Variants in GUCY1A2 observed in about 807,000 individuals in gnomAD.
The protein encoded by GUCY1A2 is guanylate cyclase 1 soluble subunit alpha 2.
In GUCY1A2, 27 loss-of-function variants were observed where a neutral mutation model predicts 63.5. The ratio of observed to expected loss-of-function variants is 0.43; its 90% CI spans 0.31 to 0.59. GUCY1A2 has a LOEUF of 0.59. GUCY1A2 is among the 20% of genes least tolerant of loss of function. The pLI is 0.11. For synonymous variants in GUCY1A2, 364 were observed against 343.5 expected (o/e 1.06, Z -0.66); for missense variants, 768 against 913.3 (o/e 0.84, Z 2.05).
chr11:106,871,327 T>C (rs966611085), intron 4 of GUCY1A2, among the ~76,000 whole-genome samples: 1 of 152,148 alleles, frequency 6.6e-6, no homozygotes, highest in East Asian at 1.9e-4. Flanking sequence ...TTCTACAAAC[T>C]GGCAGTCTTA....
At chr11:106,959,132 T>C (rs746227007) in intron 3 of GUCY1A2, among the ~76,000 whole-genome samples, 1 of 152,184 alleles carries the variant, frequency 6.6e-6, no homozygotes, top group South Asian at 2.1e-4. Flanking sequence ...CACTGAGCTA[T>C]GTTTGTCATT....
intron 4 of GUCY1A2, among the ~76,000 whole-genome samples, chr11:106,833,421 A>C (rs2135438310): frequency 6.6e-6 from 1 of 152,216 alleles, no homozygotes; most frequent in South Asian, 2.1e-4. Context: ...GAATGCATTA[A>C]GAAAATGCTC....
rs1864175584 is a variant in GUCY1A2, at chr11:106,766,985, C to T, written c.1836+9454G>A. ...TACATAAACGTCAGATAAATAAAAA[C>T]ACGAGCTTCCTAACTGCTTGGAAGT... On this transcript the variant is annotated intron_variant, in intron 6 of 7. Coordinates refer to ENST00000526355, the MANE Select transcript of GUCY1A2 (RefSeq NM_000855.3). Among the ~76,000 whole-genome samples the T allele has an allele frequency of 4.6e-5, 7 of 152,108 alleles. No homozygotes were observed. The South Asian group carries it at 1.5e-3, about 32-fold the overall frequency.
chr11:106,822,478 G>C (rs961893619), intron 4 of GUCY1A2, among the ~76,000 whole-genome samples: 1 of 152,106 alleles, frequency 6.6e-6, no homozygotes, highest in Non-Finnish European at 1.5e-5. Context: ...AGACAGCATA[G>C]TACCCAACAG....
chr11:106,772,737 TACAA>T (rs1383980495), intron 6 of GUCY1A2, among the ~76,000 whole-genome samples: 7 of 152,248 alleles, frequency 4.6e-5, no homozygotes, highest in African/African-American at 1.7e-4. Flanking sequence ...CTAAATTCAA[TACAA>T]ACATACTCTC....
intron 4 of GUCY1A2, among the ~76,000 whole-genome samples, chr11:106,832,241 T>A (rs1231577949): frequency 2.0e-5 from 3 of 152,292 alleles, no homozygotes; most frequent in Middle Eastern, 3.4e-3. Context: ...CTTTCAAGTA[T>A]TCTCTAAATA....
rs191251831 is a variant in GUCY1A2, at chr11:107,007,789, T to C, written c.303+9964A>G. Among the ~76,000 whole-genome samples, 310 of 152,320 alleles carry C rather than the reference T, an allele frequency of 2.0e-3. 3 individuals are homozygous for C. Among genetic ancestry groups the C allele is most frequent in the Admixed American group, 0.018 (274 of 15,292 alleles). ...ATAGATATATGGATATGCTGGTTTG[T>C]AGAATTGTATTTAATAGAATGTTTG... On this transcript the variant is annotated intron_variant, in intron 1 of 7. Coordinates refer to ENST00000526355, the MANE Select transcript of GUCY1A2 (RefSeq NM_000855.3).
intron 5 of GUCY1A2, among the ~76,000 whole-genome samples, chr11:106,786,232 AAC>A (rs1350092884): frequency 6.6e-6 from 1 of 152,172 alleles, no homozygotes; most frequent in African/African-American, 2.4e-5. Context: ...CAAAAACAAA[AAC>A]AAAACAAAAA....
At chr11:106,943,330 T>G (rs559186747) in intron 3 of GUCY1A2, among the ~76,000 whole-genome samples, 1 of 152,340 alleles carries the variant, frequency 6.6e-6, no homozygotes, top group African/African-American at 2.4e-5. Context: ...CATCACAAGA[T>G]TCTATGACAG....
At chr11:106,751,474 G>T (rs1477066531) in intron 6 of GUCY1A2, among the ~76,000 whole-genome samples, 1 of 150,798 alleles carries the variant, frequency 6.6e-6, no homozygotes, top group Non-Finnish European at 1.5e-5. Flanking sequence ...TTCCCTTAGG[G>T]ATTCCCTTCA....
chr11:106,851,625 G>T (rs946423501), intron 4 of GUCY1A2, among the ~76,000 whole-genome samples: 2 of 151,870 alleles, frequency 1.3e-5, no homozygotes, highest in African/African-American at 4.8e-5. Context: ...CCCAATGTAT[G>T]TTCTTGGATA....
At chr11:106,985,116 T>G (rs942261693) in intron 2 of GUCY1A2, among the ~76,000 whole-genome samples, 2 of 152,202 alleles carry the variant, frequency 1.3e-5, no homozygotes, top group Non-Finnish European at 2.9e-5. Context: ...ATGTTATTGA[T>G]CCCTATGGCA....
intron 3 of GUCY1A2, among the ~76,000 whole-genome samples, chr11:106,976,060 A>G (rs1021851344): frequency 6.6e-6 from 1 of 152,148 alleles, no homozygotes; most frequent in Non-Finnish European, 1.5e-5. Context: ...GTCTTTTTTG[A>G]TGATGAAGTA....
At chr11:106,771,344 T>C (rs1031801938) in intron 6 of GUCY1A2, among the ~76,000 whole-genome samples, 3 of 152,204 alleles carry the variant, frequency 2.0e-5, no homozygotes, top group Non-Finnish European at 2.9e-5. Context: ...TTCACAAGAT[T>C]AGAGAACTAA....
chr11:106,824,903 G>A, intron 4 of GUCY1A2: 1 of 1,612,432 alleles, frequency 6.2e-7, no homozygotes, highest in Non-Finnish European at 8.5e-7. Flanking sequence ...ACATGCTTCA[G>A]CAATCTGGTT....
chr11:106,694,112 T>C (rs1053999744), intron 7 of GUCY1A2, among the ~76,000 whole-genome samples: 1 of 152,208 alleles, frequency 6.6e-6, no homozygotes, highest in Non-Finnish European at 1.5e-5. Context: ...TTTACTGTTT[T>C]TCCTTTGGTC....
rs71044206 is a variant in GUCY1A2 at position 107,014,079 on chromosome 11, C to CTT, written c.303+3672_303+3673dup. Among the ~76,000 whole-genome samples, 541 of 70,072 alleles carry CTT rather than the reference C, an allele frequency of 7.7e-3. 24 individuals carry two copies. The highest frequency in any genetic ancestry group is 9.9e-3 in the Non-Finnish European group (391 of 39,526). 46.0% of individuals were successfully genotyped at this position (70,072 alleles called of 152,430 possible). On this transcript the variant is annotated intron_variant, in intron 1 of 7. Coordinates refer to ENST00000526355, the MANE Select transcript of GUCY1A2 (RefSeq NM_000855.3). Reference sequence around the variant, plus strand: ...AACTTATAATATATGCCATGTTTTCCTTTTTTTTTTTTTTTTTTTTTTTTT... The same window carrying CTT: ...AACTTATAATATATGCCATGTTTTCCTTTTTTTTTTTTTTTTTTTTTTTTTTT...
At chr11:106,916,819 C>A (rs866044236) in intron 4 of GUCY1A2, among the ~76,000 whole-genome samples, 2 of 145,218 alleles carry the variant, frequency 1.4e-5, no homozygotes, top group Non-Finnish European at 3.1e-5. Context: ...ATATGAAAGA[C>A]AACTTACATA....
intron 1 of GUCY1A2, among the ~76,000 whole-genome samples, chr11:106,989,576 T>C (rs962068877): frequency 1.3e-5 from 2 of 152,098 alleles, no homozygotes; most frequent in African/African-American, 4.8e-5. Context: ...AGGAGTCTCA[T>C]AATCTAATGT....
Sources: gnomAD v4.1 joint callset for allele counts (sites outside exome capture counted in the v4.1 genomes callset) on GRCh38, gnomAD v4.1.1 for gene constraint, MANE v1.5 for transcripts, NCBI Gene and HGNC (gene_info 2026-07-23, HGNC 2026-07-21) for gene names.